Variants in COL10A1 observed in about 807,000 individuals in gnomAD.
COL10A1 encodes collagen alpha-1(X) chain.
Under a neutral mutation model 18.2 loss-of-function variants are expected in COL10A1, and 10 were observed. That is an observed-to-expected ratio of 0.55 (90% confidence interval 0.34 to 0.93). The LOEUF (loss-of-function observed/expected upper bound fraction) is 0.93, where lower values mean the gene tolerates loss of function less well. COL10A1 is among the 40% of genes least tolerant of loss of function. The pLI is 0.02. For synonymous variants in COL10A1, 330 were observed against 316.6 expected, an observed-to-expected ratio of 1.04 and a Z score of -0.45; for missense variants, 897 against 853.5, an observed-to-expected ratio of 1.05 and a Z score of -0.64.
the COL10A1 span, among the ~76,000 whole-genome samples, chr6:116,183,444 T>C: frequency 6.6e-6 from 1 of 152,108 alleles, no homozygotes; most frequent in South Asian, 2.1e-4. Flanking sequence ...TGGCATTGAA[T>C]CTGTATATTG....
In COL10A1 at chr6:116,121,596, C is replaced by T; in HGVS notation, c.520G>A (p.Gly174Arg). The T allele has an allele frequency of 1.9e-6, 3 of 1,614,112 alleles. No homozygotes were observed. Among genetic ancestry groups the T allele is most frequent in the Non-Finnish European group, 1.7e-6 (2 of 1,180,024 alleles). ...TGAPGPRGFP[G>R]EKGAPGVPGM... ...GGGACTCCTGGTGCACCCTTTTCTC[C>T]AGGAAAGCCCCTGGGTCCTGGGGCT... is the stretch of plus-strand genomic sequence containing the variant. The change falls in exon 3 of 3, where the codon GGA becomes AGA. Residue 174 changes from glycine (G) to arginine (R), a missense_variant. Coordinates refer to ENST00000651968, the MANE Select transcript of COL10A1 (RefSeq NM_000493.4).
At chr6:116,207,045 T>G in the COL10A1 span, among the ~76,000 whole-genome samples, 1 of 152,024 alleles carries the variant, frequency 6.6e-6, no homozygotes, top group Non-Finnish European at 1.5e-5. Context: ...ATATGCTTTC[T>G]TAACAAACTT....
At chr6:116,173,145 G>A in the COL10A1 span, among the ~76,000 whole-genome samples, 3 of 152,140 alleles carry the variant, frequency 2.0e-5, no homozygotes, top group Non-Finnish European at 2.9e-5. Context: ...TACTAAAAAT[G>A]ATAGCTAAAA....
At chr6:116,170,166 G>A in the COL10A1 span, among the ~76,000 whole-genome samples, 1 of 152,138 alleles carries the variant, frequency 6.6e-6, no homozygotes, top group African/African-American at 2.4e-5. Flanking sequence ...TAAACATTCT[G>A]TCGGTTTTGC....
chr6:116,215,146 A>G, the COL10A1 span, among the ~76,000 whole-genome samples: 3 of 152,160 alleles, frequency 2.0e-5, no homozygotes, highest in Admixed American at 1.3e-4. Context: ...ATGTAGCTCT[A>G]CAATCTAATC....
chr6:116,138,653 CAGAAT>C, intron 1 of COL10A1, among the ~76,000 whole-genome samples: 1 of 152,154 alleles, frequency 6.6e-6, no homozygotes, highest in Middle Eastern at 3.4e-3. Flanking sequence ...GATTAAAAGG[CAGAAT>C]AGTATGACTA....
At chr6:116,210,803 G>GT in the COL10A1 span, among the ~76,000 whole-genome samples, 1 of 151,798 alleles carries the variant, frequency 6.6e-6, no homozygotes. Flanking sequence ...AGAAACACAG[G>GT]TAAAAAAAAC....
rs143685448 is a variant in COL10A1 at position 116,120,801 on chromosome 6, C to T, written c.1315G>A (p.Ala439Thr). The change falls in exon 3 of 3, where the codon GCT (alanine) becomes ACT (threonine). Residue 439 changes from alanine (A) to threonine (T), a missense_variant. Ala to Thr is a moderately conservative substitution (Grantham distance 58, BLOSUM62 0). Transcript: ENST00000651968. ...ATTCCAGGGGCACCTCTTGGGCCAG[C>T]CTCTCCATTGTGTCCGGGCATTCCC... ...AKGMPGHNGE[A>T]GPRGAPGIPG... is the part of the protein sequence containing the mutation. 1.9e-6 allele frequency: 3 copies of T among 1,612,698 alleles called. No homozygotes were observed. In the South Asian group the frequency reaches 3.3e-5, roughly 18 times the overall value.
At chr6:116,195,496 T>G in the COL10A1 span, among the ~76,000 whole-genome samples, 1 of 152,058 alleles carries the variant, frequency 6.6e-6, no homozygotes, top group East Asian at 1.9e-4. Flanking sequence ...AATATTCATT[T>G]TTAAGAATAG....
chr6:116,171,178 ACC>A, the COL10A1 span, among the ~76,000 whole-genome samples: 1 of 152,150 alleles, frequency 6.6e-6, no homozygotes, highest in East Asian at 1.9e-4. Flanking sequence ...AGGTTAAATG[ACC>A]CACTTATATT....
chr6:116,189,654 T>A, the COL10A1 span, among the ~76,000 whole-genome samples: 1 of 151,948 alleles, frequency 6.6e-6, no homozygotes, highest in Non-Finnish European at 1.5e-5. Flanking sequence ...TTTCTATTTT[T>A]AAAAGGCCCT....
Position 116,121,599 on chromosome 6 carries a change from G to A in COL10A1, c.517C>T (p.Pro173Ser), listed in dbSNP as rs746023843. Residue 173 changes from proline to serine, a missense_variant, in exon 3 of 3, where the codon CCT (proline) becomes TCT (serine). Transcript: ENST00000651968. ...PTGAPGPRGFPGEKGAPGVPG... is the reference protein window; with the variant it reads ...PTGAPGPRGFSGEKGAPGVPG... Reference sequence around the variant, plus strand: ...ACTCCTGGTGCACCCTTTTCTCCAGGAAAGCCCCTGGGTCCTGGGGCTCCT... The same window carrying A: ...ACTCCTGGTGCACCCTTTTCTCCAGAAAAGCCCCTGGGTCCTGGGGCTCCT... The A allele has an allele frequency of 1.0e-4, 166 of 1,613,810 alleles. No individual in the cohort carries two copies. Among genetic ancestry groups the A allele is most frequent in the Non-Finnish European group, 1.3e-4 (158 of 1,179,948 alleles).
At chr6:116,162,443 A>G (rs371439104), upstream of COL10A1, among the ~76,000 whole-genome samples, 99 of 152,244 alleles carry the variant, frequency 6.5e-4, 1 homozygote, top group South Asian at 0.019. Flanking sequence ...ATTTTCAGTT[A>G]TGTTCCTTTA....
At chr6:116,207,018 GTC>G in the COL10A1 span, among the ~76,000 whole-genome samples, 6,167 of 151,938 alleles carry the variant, frequency 0.041, 417 homozygotes, top group African/African-American at 0.14. Context: ...AAAATAAATA[GTC>G]TGATCACTTA....
chr6:116,204,188 C>T, the COL10A1 span, among the ~76,000 whole-genome samples: 7 of 151,850 alleles, frequency 4.6e-5, no homozygotes, highest in African/African-American at 1.7e-4. Context: ...TTAATACCAC[C>T]GAGTTTGTCA....
At chr6:116,187,132 C>T in the COL10A1 span, among the ~76,000 whole-genome samples, 1 of 152,002 alleles carries the variant, frequency 6.6e-6, no homozygotes, top group Non-Finnish European at 1.5e-5. Context: ...GCTATTTCTC[C>T]TCTGAATCTA....
chr6:116,203,135 A>C, the COL10A1 span, among the ~76,000 whole-genome samples: 1 of 152,002 alleles, frequency 6.6e-6, no homozygotes, highest in Non-Finnish European at 1.5e-5. Flanking sequence ...GAACAAACCA[A>C]ATTACCAAGT....
chr6:116,186,495 C>G, the COL10A1 span, among the ~76,000 whole-genome samples: 2 of 151,994 alleles, frequency 1.3e-5, no homozygotes, highest in Non-Finnish European at 2.9e-5. Flanking sequence ...GATTTCTCTT[C>G]TTCCTCAGGA....
chr6:116,138,048 C>T lies in COL10A1; in HGVS notation c.-15-12541G>A, dbSNP rs57955822. On this transcript the variant is annotated intron_variant, in intron 1 of 1. Coordinates refer to the COL10A1 transcript ENST00000418500. ...AGCCAAGATCACACCACTGCACTCC[C>T]GCCTGGGTGACAGAGTGAGACTCTG... 5.1e-3 allele frequency among the ~76,000 whole-genome samples: 773 copies of T among 151,890 alleles called. 10 individuals carry two copies. The highest frequency in any genetic ancestry group is 0.018 in the African/African-American group (732 of 41,388).
Sources: allele counts gnomAD v4.1 joint callset (sites outside exome capture counted in the v4.1 genomes callset), GRCh38; gene constraint gnomAD v4.1.1; transcripts MANE v1.5; gene names NCBI Gene and HGNC (gene_info 2026-07-23, HGNC 2026-07-21).